Variants in DLGAP1 observed in about 807,000 individuals in gnomAD.
DLGAP1 encodes the protein disks large-associated protein 1.
Under a neutral mutation model 90.8 loss-of-function variants are expected in DLGAP1, and 11 were observed. The ratio of observed to expected loss-of-function variants is 0.12; its 90% confidence interval spans 0.08 to 0.20. DLGAP1 has a LOEUF of 0.20. Among genes scored for constraint, DLGAP1 ranks in the 10% least tolerant of loss-of-function variants. The pLI, the probability that DLGAP1 is intolerant of heterozygous loss-of-function variation, is 1.00. For missense variants in DLGAP1, 1,050 were observed against 1,333.8 expected, an observed-to-expected ratio of 0.79 and a Z score of 3.31; for synonymous variants, 558 against 540.7, an observed-to-expected ratio of 1.03 and a Z score of -0.44.
intron 7 of DLGAP1, among the ~76,000 whole-genome samples, chr18:3,616,421 A>T (rs1231956088): frequency 6.6e-6 from 1 of 152,120 alleles, no homozygotes. Flanking sequence ...TAGTTTGCCA[A>T]TCTGTGCTCT....
At chr18:4,414,989 A>C (rs1036599753) in intron 1 of DLGAP1, among the ~76,000 whole-genome samples, 1 of 152,040 alleles carries the variant, frequency 6.6e-6, no homozygotes, top group Non-Finnish European at 1.5e-5. Context: ...TATACAAAAC[A>C]ACATTGTGTT....
At chr18:4,071,479 C>G (rs956418176) in intron 2 of DLGAP1, among the ~76,000 whole-genome samples, 1 of 117,418 alleles carries the variant, frequency 8.5e-6, no homozygotes, top group African/African-American at 3.0e-5. Context: ...TGATTTCAAG[C>G]ACAACTAACC....
At chr18:3,818,583 C>T (rs2067227494) in intron 4 of DLGAP1, among the ~76,000 whole-genome samples, 1 of 151,124 alleles carries the variant, frequency 6.6e-6, no homozygotes, top group African/African-American at 2.4e-5. Flanking sequence ...TGCTCTTGAA[C>T]ATATTGAAAG....
At chr18:4,355,573 ACT>A (rs1430735819) in intron 1 of DLGAP1, among the ~76,000 whole-genome samples, 2 of 152,098 alleles carry the variant, frequency 1.3e-5, no homozygotes, top group East Asian at 1.9e-4. Flanking sequence ...TGGAACACAC[ACT>A]GTCTCACACA....
At chr18:4,126,940 A>C (rs1307952265) in intron 2 of DLGAP1, among the ~76,000 whole-genome samples, 1 of 152,238 alleles carries the variant, frequency 6.6e-6, no homozygotes. Context: ...AGGTGGCATG[A>C]CAGTATCTCC....
At chr18:4,254,304 G>A (rs2078842188) in intron 1 of DLGAP1, among the ~76,000 whole-genome samples, 1 of 152,162 alleles carries the variant, frequency 6.6e-6, no homozygotes, top group Admixed American at 6.5e-5. Flanking sequence ...ACTGAAACTT[G>A]GGAACTGAAA....
At position 4,401,127 on chromosome 18, in the gene DLGAP1, C is replaced by G. The variant is rs529384547; in HGVS notation, c.-267+53879G>C. 6.4e-4 allele frequency among the ~76,000 whole-genome samples: 98 copies of G among 152,246 alleles called. 1 individual carries two copies. The Middle Eastern group carries it at 0.014, about 21-fold the overall frequency. Reference sequence around the variant, plus strand: ...ACACTATTACTAATGTCAGCAGAGGCACTTCAAAATGGTTAATGATCAGAT... The same window carrying G: ...ACACTATTACTAATGTCAGCAGAGGGACTTCAAAATGGTTAATGATCAGAT... On this transcript the variant is annotated intron_variant, in intron 1 of 12. Coordinates refer to ENST00000315677, the MANE Select transcript of DLGAP1 (RefSeq NM_004746.4).
intron 7 of DLGAP1, among the ~76,000 whole-genome samples, chr18:3,663,027 T>G (rs542990170): frequency 2.2e-4 from 33 of 152,238 alleles, no homozygotes; most frequent in African/African-American, 7.9e-4. Context: ...ATCCCAGCAC[T>G]TTGGGAGGCC....
intron 1 of DLGAP1, among the ~76,000 whole-genome samples, chr18:4,375,984 T>C (rs373425768): frequency 1.8e-4 from 28 of 152,200 alleles, no homozygotes; most frequent in African/African-American, 6.3e-4. Flanking sequence ...CAGATGATTT[T>C]AATTTATAAT....
At chr18:3,511,017 C>T (rs2050509509) in intron 10 of DLGAP1, among the ~76,000 whole-genome samples, 1 of 152,182 alleles carries the variant, frequency 6.6e-6, no homozygotes, top group Non-Finnish European at 1.5e-5. Flanking sequence ...GAGTTGTGGC[C>T]CTTCTCTTTC....
At chr18:3,894,524 TTTTG>T (rs2071564368) in intron 3 of DLGAP1, among the ~76,000 whole-genome samples, 1 of 152,174 alleles carries the variant, frequency 6.6e-6, no homozygotes, top group South Asian at 2.1e-4. Context: ...TGTTTCTGGG[TTTTG>T]TTTTTTGTTC....
At chr18:3,523,186 A>G (rs1034899046) in intron 10 of DLGAP1, among the ~76,000 whole-genome samples, 2 of 151,914 alleles carry the variant, frequency 1.3e-5, no homozygotes, top group Admixed American at 6.6e-5. Context: ...CAGCCTGGCC[A>G]ACATGGTGAA....
chr18:3,890,434 C>T (rs1029251417), intron 3 of DLGAP1, among the ~76,000 whole-genome samples: 6 of 152,170 alleles, frequency 3.9e-5, no homozygotes, highest in African/African-American at 1.4e-4. Flanking sequence ...GCAATAGTTG[C>T]TGTTAATGGG....
chr18:3,803,186 G>A (rs1337889211), intron 5 of DLGAP1, among the ~76,000 whole-genome samples: 3 of 152,210 alleles, frequency 2.0e-5, no homozygotes, highest in East Asian at 3.9e-4. Flanking sequence ...CTCATTGGAC[G>A]ACTGGACCCC....
At chr18:3,814,804 T>C (rs1006363748) in intron 4 of DLGAP1, among the ~76,000 whole-genome samples, 3 of 152,236 alleles carry the variant, frequency 2.0e-5, no homozygotes, top group African/African-American at 7.2e-5. Flanking sequence ...ATTCCAATTA[T>C]CGTCTTAGTT....
chr18:3,737,577 T>A (rs1222086302), intron 6 of DLGAP1, among the ~76,000 whole-genome samples: 6 of 151,458 alleles, frequency 4.0e-5, no homozygotes, highest in Non-Finnish European at 7.4e-5. Context: ...TCAACAAGCC[T>A]TCATGCTAAA....
At chr18:3,957,739 T>C (rs2073110850) in intron 3 of DLGAP1, among the ~76,000 whole-genome samples, 1 of 152,210 alleles carries the variant, frequency 6.6e-6, no homozygotes, top group Admixed American at 6.5e-5. Context: ...TCACTCAAAT[T>C]CATAGTTGAT....
At chr18:3,550,418 G>T (rs372302593) in intron 9 of DLGAP1, among the ~76,000 whole-genome samples, 3 of 152,000 alleles carry the variant, frequency 2.0e-5, no homozygotes, top group South Asian at 4.1e-4. Flanking sequence ...AAGAGAGAGG[G>T]TCTGGCTATT....
intron 1 of DLGAP1, among the ~76,000 whole-genome samples, chr18:4,387,107 T>C (rs2082244848): frequency 6.6e-6 from 1 of 152,092 alleles, no homozygotes; most frequent in South Asian, 2.1e-4. Flanking sequence ...AAACCCTCAT[T>C]GGAATTGTAA....
Sources: allele counts gnomAD v4.1 joint callset (sites outside exome capture counted in the v4.1 genomes callset), GRCh38; gene constraint gnomAD v4.1.1; transcripts MANE v1.5; gene names NCBI Gene and HGNC (gene_info 2026-07-23, HGNC 2026-07-21).